The following SLC9C1 variants were observed in gnomAD, a reference collection of about 807,000 sequenced individuals.
SLC9C1 encodes the protein solute carrier family 9 member C1.
A neutral mutation model predicts 140.9 loss-of-function variants in SLC9C1; 97 were observed. That is an observed-to-expected ratio of 0.69 (90% CI 0.58 to 0.82). The LOEUF (loss-of-function observed/expected upper bound fraction) is 0.82. SLC9C1 is among the 40% of genes least tolerant of loss of function. SLC9C1 has a pLI of 0.00. For synonymous variants in SLC9C1, 440 were observed against 442.6 expected (o/e 0.99, Z 0.07); for missense variants, 1,340 against 1,389.3 (o/e 0.96, Z 0.56).
intron 13 of SLC9C1, 36 bp from the exon 14 acceptor site, chr3:112,221,261 G>A (rs2078533918): frequency 3.3e-6 from 5 of 1,536,598 alleles, no homozygotes; most frequent in Non-Finnish European, 4.5e-6. Flanking sequence ...TATATAGCAT[G>A]AATAACGATG....
intron 10 of SLC9C1, among the ~76,000 whole-genome samples, chr3:112,260,092 A>G (rs1391425341): frequency 6.6e-6 from 1 of 152,092 alleles, no homozygotes; most frequent in Non-Finnish European, 1.5e-5. Flanking sequence ...GTTGAGTTAT[A>G]TAGAGGAGTA....
chr3:112,247,960 G>T (rs1021346412), intron 10 of SLC9C1, among the ~76,000 whole-genome samples: 9 of 151,736 alleles, frequency 5.9e-5, no homozygotes, highest in African/African-American at 2.2e-4. Flanking sequence ...TGGACTAGAC[G>T]TATTGACTCA....
intron 24 of SLC9C1, 29 bp from the exon 25 acceptor site, chr3:112,169,091 T>C (rs2077196033): frequency 6.3e-7 from 1 of 1,575,874 alleles, no homozygotes; most frequent in African/African-American, 1.4e-5. Context: ...TTTCAGTCTA[T>C]TATTAGTCTA....
chr3:112,185,394 G>C, intron 20 of SLC9C1: 6 of 841,282 alleles, frequency 7.1e-6, no homozygotes, highest in Non-Finnish European at 1.1e-5. Flanking sequence ...CGATGGGGAT[G>C]GGGAAGCTGA....
At chr3:112,241,796 A>G (rs1488830711) in intron 11 of SLC9C1, among the ~76,000 whole-genome samples, 1 of 152,198 alleles carries the variant, frequency 6.6e-6, no homozygotes, top group Admixed American at 6.5e-5. Flanking sequence ...GAAAAGCTGC[A>G]TGCTTACAGT....
At chr3:112,155,897 A>G (rs988035950) in intron 26 of SLC9C1, among the ~76,000 whole-genome samples, 2 of 152,150 alleles carry the variant, frequency 1.3e-5, no homozygotes, top group Non-Finnish European at 2.9e-5. Flanking sequence ...TATTAGCTGT[A>G]CATATTTTGG....
rs776889628 is a variant in SLC9C1, at chr3:112,179,567, AG to A, written c.2882del (p.Pro961LeufsTer2). 3 of 1,609,582 alleles carry A rather than the reference AG, an allele frequency of 1.9e-6. No individual in the cohort carries two copies. Among genetic ancestry groups the A allele is most frequent in the African/African-American group, 2.7e-5 (2 of 74,934 alleles). ...IGEINCLTNEPMKYSATCKTV... is the reference protein window; with the variant it reads ...IGEINCLTNEXMKYSATCKTV... ...TTTTGCAGGTGGCAGAATATTTCAT[AG>A]GTTCATTAGTTAAGCAGTTTATCTC... On this transcript the variant is annotated frameshift_variant, in exon 23 of 29. Coordinates refer to ENST00000305815, the MANE Select transcript of SLC9C1 (RefSeq NM_183061.3). LOFTEE classifies it high-confidence loss of function.
chr3:112,182,687 T>G lies in SLC9C1; in HGVS notation c.2524-429A>C, dbSNP rs114225233. Among the ~76,000 whole-genome samples, 346 of 152,286 alleles carry G rather than the reference T, an allele frequency of 2.3e-3. 1 individual carries two copies. The highest frequency in any genetic ancestry group is 7.9e-3 in the African/African-American group (329 of 41,578). ...TCATAAATGTTCACTCAAAGAATAT[T>G]ACAAAGTAAAAACATCTGTGTAACA... On this transcript the variant is annotated intron_variant, in intron 20 of 28. Transcript: ENST00000305815.
intron 26 of SLC9C1, among the ~76,000 whole-genome samples, chr3:112,162,168 G>T (rs1364002587): frequency 2.0e-5 from 3 of 152,148 alleles, no homozygotes; most frequent in African/African-American, 7.2e-5. Context: ...AGGAGATTTT[G>T]GGCTGAGACA....
Position 112,262,913 on chromosome 3 carries a change from G to C in SLC9C1, c.1197+11C>G. On this transcript the variant is annotated intron_variant, in intron 10 of 28. Coordinates refer to ENST00000305815, the MANE Select transcript of SLC9C1 (RefSeq NM_183061.3). ...TACAATATTCAGATAAGAAAATACA[G>C]CTTTCTTTACTTGAGATTTTTCTTT... 1 of 1,553,400 alleles carries C rather than the reference G, an allele frequency of 6.4e-7. No individual in the cohort carries two copies. The highest frequency in any genetic ancestry group is 8.6e-7 in the Non-Finnish European group (1 of 1,157,646).
At chr3:112,213,524 G>A (rs908709825) in intron 15 of SLC9C1, among the ~76,000 whole-genome samples, 6 of 151,996 alleles carry the variant, frequency 3.9e-5, no homozygotes, top group Middle Eastern at 3.2e-3. Flanking sequence ...CTACCAAGCA[G>A]ATGGAAAGCA....
intron 26 of SLC9C1, 142 bp downstream of exon 26, chr3:112,167,079 A>G: frequency 3.7e-6 from 3 of 808,690 alleles, no homozygotes; most frequent in Non-Finnish European, 5.6e-6. Context: ...GTCTGAACTC[A>G]TACATTGAAT....
At chr3:112,287,916 G>A (rs1445750570) in intron 1 of SLC9C1, among the ~76,000 whole-genome samples, 4 of 151,838 alleles carry the variant, frequency 2.6e-5, no homozygotes, top group Admixed American at 6.6e-5. Context: ...GGTGGCGGGC[G>A]CCTGTAGTCC....
intron 26 of SLC9C1, among the ~76,000 whole-genome samples, chr3:112,157,762 TA>T (rs2075168975): frequency 2.2e-5 from 1 of 46,200 alleles, no homozygotes; most frequent in South Asian, 9.5e-4. Flanking sequence ...TATTCCTAGG[TA>T]TTTTTTTTTT....
At chr3:112,267,598 G>T (rs12493823) in intron 7 of SLC9C1, among the ~76,000 whole-genome samples, 2 of 97,352 alleles carry the variant, frequency 2.1e-5, no homozygotes, top group Admixed American at 2.5e-4. Context: ...AAAAAAAAAA[G>T]AGAGAGAGAG....
At chr3:112,244,143 A>T (rs2079213229) in intron 10 of SLC9C1, 67 bp from the exon 11 acceptor site, 1 of 938,922 alleles carries the variant, frequency 1.1e-6, no homozygotes, top group African/African-American at 1.7e-5. Context: ...TATATTTACC[A>T]ATATAAATTA....
chr3:112,202,391 T>A lies in SLC9C1; in HGVS notation c.2181A>T (p.Ala727=), dbSNP rs767338048. 10 of 1,594,910 alleles carry A rather than the reference T, an allele frequency of 6.3e-6. No homozygotes were observed. In the South Asian group the frequency reaches 1.0e-4, roughly 17 times the overall value. ...FRILRIFKLI[A]PKLLQIIDKR... is the part of the protein sequence containing the mutation. ...TATCTATTATTTGCAGCAACTTTGG[T>A]GCTATGAGCTGAATTAAACAGGACT... The change falls in exon 18 of 29, where the codon GCA becomes GCT. Residue 727 remains alanine (A), a synonymous_variant. Coordinates refer to ENST00000305815, the MANE Select transcript of SLC9C1 (RefSeq NM_183061.3).
intron 11 of SLC9C1, among the ~76,000 whole-genome samples, chr3:112,242,442 G>A (rs1186872347): frequency 6.6e-6 from 1 of 152,104 alleles, no homozygotes; most frequent in Non-Finnish European, 1.5e-5. Context: ...GAAAAACTTT[G>A]CATGTTCTCA....
chr3:112,260,195 T>C (rs1002943330), intron 10 of SLC9C1, among the ~76,000 whole-genome samples: 7 of 152,150 alleles, frequency 4.6e-5, no homozygotes. Flanking sequence ...ACATATCAAC[T>C]TAGAACTTAT....
Sources: gnomAD v4.1 joint callset for allele counts (sites outside exome capture counted in the v4.1 genomes callset) on GRCh38, gnomAD v4.1.1 for gene constraint, MANE v1.5 for transcripts, NCBI Gene and HGNC (gene_info 2026-07-23, HGNC 2026-07-21) for gene names.